MAP3K6: variants seen among roughly 807,000 people sequenced by gnomAD.
MAP3K6 encodes apoptosis signal-regulating kinase 2.
In MAP3K6, 105 loss-of-function variants were observed where a neutral mutation model predicts 147.1. The ratio of observed to expected loss-of-function variants is 0.71; its 90% confidence interval spans 0.61 to 0.84. MAP3K6 has a LOEUF of 0.84. Among genes scored for constraint, MAP3K6 ranks in the 40% least tolerant of loss-of-function variants. The pLI is 0.00. For synonymous variants in MAP3K6, 695 were observed against 732.4 expected (o/e 0.95, Z 0.82); for missense variants, 1,569 against 1,715.0 (o/e 0.91, Z 1.50).
chr1:27,356,227 G>A, intron 26 of MAP3K6, 128 bp from the exon 27 acceptor site: 1 of 1,100,108 alleles, frequency 9.1e-7, no homozygotes, highest in Non-Finnish European at 1.4e-6. Context: ...ATGAGCCCAA[G>A]GGTGCCTTGT....
In MAP3K6 at chr1:27,359,296, G is replaced by A; in HGVS notation, c.2425+121C>T. 1 of 1,411,762 alleles carries A rather than the reference G, an allele frequency of 7.1e-7. No homozygotes were observed. The highest frequency in any genetic ancestry group is 9.7e-7 in the Non-Finnish European group (1 of 1,027,406). 87.5% of individuals were successfully genotyped at this position (1,411,762 alleles called of 1,614,324 possible). A position where few individuals can be genotyped will look rare whatever the true frequency, so the allele number is the denominator to read the frequency against. On this transcript the variant is annotated intron_variant, in intron 18 of 28. Transcript: ENST00000357582. The surrounding 1 kb of genome is among the most constrained non-coding windows in gnomAD (Gnocchi z 4.4). ...AGCCCTGGCCCAATCACTCACCCTG[G>A]GTTTCATTCCCCATTAGGACTCTAA...
In MAP3K6 at chr1:27,358,546, G is replaced by A. The variant is rs1414708535; in HGVS notation, c.2649C>T (p.Leu883=). ...SSLSAEAQAF[L]LRTFEPDPRL... ...GGGGGTCTGGCTCAAAAGTTCGGAG[G>A]AGAAAGGCTTGGGCCTCGGCCGACA... is the stretch of plus-strand genomic sequence containing the variant. The change falls in exon 20 of 29, where the codon CTC becomes CTT. Residue 883 remains leucine, a synonymous_variant. Transcript: ENST00000357582. This position sits in a 1 kb window ranked among gnomAD's most constrained non-coding sequence, Gnocchi z 6.2. 1 of 1,612,788 alleles carries A rather than the reference G, an allele frequency of 6.2e-7. No homozygotes were observed. The highest frequency in any genetic ancestry group is 8.5e-7 in the Non-Finnish European group (1 of 1,179,586).
chr1:27,364,949 C>T lies in MAP3K6; in HGVS notation c.341-37G>A. The stretch of plus-strand genomic sequence containing the variant: ...GAGGGGGTGGCGCTGATCCCTGAAG[C>T]CCAGCTTGATGGGGAAGGAGCCGGG... On this transcript the variant is annotated intron_variant, in intron 1 of 28. Transcript: ENST00000357582. This position sits in a 1 kb window ranked among gnomAD's most constrained non-coding sequence, Gnocchi z 4.4. 1 of 1,542,308 alleles carries T rather than the reference C, an allele frequency of 6.5e-7. No homozygotes were observed. The highest frequency in any genetic ancestry group is 1.9e-5 in the Admixed American group (1 of 51,640).
intron 26 of MAP3K6, 135 bp downstream of exon 26, chr1:27,356,253 G>C: frequency 2.7e-6 from 3 of 1,091,578 alleles, no homozygotes; most frequent in Non-Finnish European, 4.0e-6. Flanking sequence ...AAGCTGCCTC[G>C]AACCCACCAA....
chr1:27,358,728 G>T lies in MAP3K6; in HGVS notation c.2564C>A (p.Pro855Gln), dbSNP rs767535805. 6.8e-6 allele frequency: 11 copies of T among 1,613,810 alleles called. No homozygotes were observed. Among genetic ancestry groups the T allele is most frequent in the Non-Finnish European group, 1.7e-6 (2 of 1,180,010 alleles). The change falls in exon 19 of 29, where the codon CCA becomes CAA. Residue 855 changes from proline to glutamine, a missense_variant. Transcript: ENST00000357582. This position sits in a 1 kb window ranked among gnomAD's most constrained non-coding sequence, Gnocchi z 6.2. ...TCTCACCTGAAACATGGCAGCCTGT[G>T]GGCTCCCGAGCTCGTGGAAGGGGGG... ...GRPPFHELGS[P>Q]QAAMFQVGMY...
In MAP3K6 at chr1:27,355,726, G is replaced by A. The variant is rs141031254; in HGVS notation, c.3731C>T (p.Thr1244Ile). Residue 1244 changes from threonine (T) to isoleucine (I), a missense_variant, in exon 28 of 29, where the codon ACC (threonine) becomes ATC (isoleucine). Physicochemically the swap from Thr to Ile is moderately conservative, Grantham distance 89. Transcript: ENST00000357582. Reference protein sequence around the residue: ...TIQMLLNHSFTLHTLLTYATR... With the variant: ...TIQMLLNHSFILHTLLTYATR... ...GGCATAGGTGAGCAGAGTGTGGAGG[G>A]TGAAGCTATGGTTCAACAGCTGGAT... 3 of 1,614,026 alleles carry A rather than the reference G, an allele frequency of 1.9e-6. No homozygotes were observed. In the African/African-American group the frequency reaches 4.0e-5, roughly 22 times the overall value.
In MAP3K6 at chr1:27,359,490, C is replaced by A; in HGVS notation, c.2352G>T (p.Gly784=). The change falls in exon 18 of 29, where the codon GGG becomes GGT. Residue 784 remains glycine (G), a synonymous_variant. Coordinates refer to ENST00000357582, the MANE Select transcript of MAP3K6 (RefSeq NM_004672.5). The surrounding 1 kb of genome is among the most constrained non-coding windows in gnomAD (Gnocchi z 4.4). The part of the protein sequence containing the change: ...GDNVLINTFS[G]LLKISDFGTS... ...TGCCGAAGTCAGAAATCTTGAGCAG[C>A]CCACTGAAGGTGTTGATCAGCACAT... 1 of 1,614,102 alleles carries A rather than the reference C, an allele frequency of 6.2e-7. No homozygotes were observed. Among genetic ancestry groups the A allele is most frequent in the Admixed American group, 1.7e-5 (1 of 60,016 alleles).
intron 24 of MAP3K6, 21 bp downstream of exon 24, chr1:27,356,988 C>A (rs759407070): frequency 6.2e-7 from 1 of 1,604,604 alleles, no homozygotes; most frequent in Non-Finnish European, 8.5e-7. Context: ...TGGCAGGAGG[C>A]CCGTGGCATT....
chr1:27,362,585 C>T, intron 8 of MAP3K6, 56 bp downstream of exon 8: 1 of 1,369,728 alleles, frequency 7.3e-7, no homozygotes, highest in Non-Finnish European at 1.0e-6. Context: ...TGCCCTCTTC[C>T]CAGGCCCCTC....
chr1:27,360,004 G>A lies in MAP3K6; in HGVS notation c.2183-10C>T, dbSNP rs759068637. 1.9e-6 allele frequency: 3 copies of A among 1,613,798 alleles called. No homozygotes were observed. In the South Asian group the frequency reaches 3.3e-5, roughly 18 times the overall value. ...AAGGAGGACAGGCTGCCTGGGTGGG[G>A]ACAGTCCAAGTTCATTCTTCCCACC... is the stretch of plus-strand genomic sequence containing the variant. On this transcript the variant is annotated splice_polypyrimidine_tract_variant and intron_variant, in intron 16 of 28. Transcript: ENST00000357582. The surrounding 1 kb of genome is among the most constrained non-coding windows in gnomAD (Gnocchi z 4.5).
chr1:27,359,793 T>C lies in MAP3K6; in HGVS notation c.2319+65A>G. 1 of 1,604,700 alleles carries C rather than the reference T, an allele frequency of 6.2e-7. No homozygotes were observed. The highest frequency in any genetic ancestry group is 1.3e-5 in the African/African-American group (1 of 74,846). Reference sequence around the variant, plus strand: ...ACTTAATCTAAACTGCCAGCCTGCGTCTGGGACCATGTTTCCTTCCCCGCC... The same window carrying C: ...ACTTAATCTAAACTGCCAGCCTGCGCCTGGGACCATGTTTCCTTCCCCGCC... On this transcript the variant is annotated intron_variant, in intron 17 of 28. Transcript: ENST00000357582. This position sits in a 1 kb window ranked among gnomAD's most constrained non-coding sequence, Gnocchi z 4.4.
rs777711066 is a variant in MAP3K6, at chr1:27,357,569, C to T, written c.3089G>A (p.Arg1030His). ...HQEQKQEQGA[R>H]LGRNHVEELL... is the part of the protein sequence containing the mutation. ...CTCTTCCACATGGTTTCTGCCCAGA[C>T]GGGCCCCCTGAGAAGGAAGAGAGGG... is the stretch of plus-strand genomic sequence containing the variant. The change falls in exon 23 of 29, where the codon CGT (arginine) becomes CAT (histidine). Residue 1030 changes from arginine to histidine, a missense_variant. Arg to His is a conservative substitution (Grantham distance 29). Coordinates refer to ENST00000357582, the MANE Select transcript of MAP3K6 (RefSeq NM_004672.5). 3 of 1,607,500 alleles carry T rather than the reference C, an allele frequency of 1.9e-6. No homozygotes were observed. Among genetic ancestry groups the T allele is most frequent in the South Asian group, 1.1e-5 (1 of 90,936 alleles).
chr1:27,361,478 G>A, intron 11 of MAP3K6, 42 bp downstream of exon 11: 1 of 1,612,296 alleles, frequency 6.2e-7, no homozygotes, highest in Non-Finnish European at 8.5e-7. Flanking sequence ...CACAGAAAAG[G>A]TCCTAGCAAA....
chr1:27,355,635 T>C (rs12742921), intron 28 of MAP3K6, 34 bp downstream of exon 28: 289,525 of 1,610,548 alleles, frequency 0.18, 28,676 homozygotes, highest in Non-Finnish European at 0.21. Flanking sequence ...TGAGGCCATA[T>C]GCATGGTTCA....
chr1:27,361,389 G>A lies in MAP3K6; in HGVS notation c.1693C>T (p.Pro565Ser), dbSNP rs780290839. The change falls in exon 12 of 29, where the codon CCC becomes TCC. Residue 565 changes from proline (P) to serine (S), a missense_variant. Transcript: ENST00000357582. ...GCGACTGGGAAGGTCCAGCTGGAGG[G>A]AATGTCCTGCAAGAAGAAATGGGGT... The part of the protein sequence containing the change: ...SLLEPETQDI[P>S]SSWTFPVASI... 2 of 1,613,802 alleles carry A rather than the reference G, an allele frequency of 1.2e-6. No individual in the cohort carries two copies. Among genetic ancestry groups the A allele is most frequent in the African/African-American group, 1.3e-5 (1 of 75,050 alleles).
intron 8 of MAP3K6, 99 bp downstream of exon 8, chr1:27,362,522 ACAGTCCAAAATGGATGAGCT>A: frequency 1.2e-6 from 1 of 855,064 alleles, no homozygotes; most frequent in Non-Finnish European, 1.8e-6. Context: ...TATGGGCAGG[ACAGTCCAAAATGGATGAGCT>A]CATCCTAGCT....
chr1:27,362,435 C>T (rs973718119), intron 8 of MAP3K6, among the ~76,000 whole-genome samples, 185 bp from the exon 9 acceptor site: 10 of 152,094 alleles, frequency 6.6e-5, no homozygotes, highest in Admixed American at 2.6e-4. Context: ...AATGGACACG[C>T]AGATGTGAGT....
At position 27,363,499 on chromosome 1, in the gene MAP3K6, G is replaced by A. The variant is rs369623226; in HGVS notation, c.914C>T (p.Thr305Ile). The A allele has an allele frequency of 3.2e-5, 52 of 1,613,710 alleles. No homozygotes were observed. Among genetic ancestry groups the A allele is most frequent in the Non-Finnish European group, 4.2e-5 (49 of 1,179,886 alleles). The part of the protein sequence containing the change: ...ELVETLQALP[T>I]CDVAEQHNVC... Reference sequence around the variant, plus strand: ...ATTATGCTGCTCGGCCACATCACAGGTGGGCAAGGCCTGCAGCGTCTCCAC... The same window carrying A: ...ATTATGCTGCTCGGCCACATCACAGATGGGCAAGGCCTGCAGCGTCTCCAC... The change falls in exon 6 of 29, where the codon ACC becomes ATC. Residue 305 changes from threonine (T) to isoleucine (I), a missense_variant. Coordinates refer to ENST00000357582, the MANE Select transcript of MAP3K6 (RefSeq NM_004672.5).
In MAP3K6 at chr1:27,364,087, T is replaced by C. The variant is rs533660971; in HGVS notation, c.696-2A>G. ...CGAATGGTCTCCCGGAAATAGCCAC[T>C]GATGCCCAGGGTAGGGGAGGCAGGG... On this transcript the variant is annotated splice_acceptor_variant, in intron 4 of 28. Transcript: ENST00000357582. LOFTEE classifies it high-confidence loss of function. The surrounding 1 kb of genome is among the most constrained non-coding windows in gnomAD (Gnocchi z 4.4). 1.1e-5 allele frequency: 17 copies of C among 1,611,606 alleles called. No individual in the cohort carries two copies. The South Asian group carries it at 1.3e-4, about 13-fold the overall frequency.
Sources: gnomAD v4.1 joint callset for allele counts (sites outside exome capture counted in the v4.1 genomes callset) on GRCh38, gnomAD v4.1.1 for gene constraint, Gnocchi (gnomAD v3.1) non-coding constraint, MANE v1.5 for transcripts, NCBI Gene and HGNC (gene_info 2026-07-23, HGNC 2026-07-21) for gene names.